COL6A3: variants seen among roughly 807,000 people sequenced by gnomAD.
COL6A3 encodes collagen type VI alpha 3 chain.
Under a neutral mutation model 274.1 loss-of-function variants are expected in COL6A3, and 137 were observed. The ratio of observed to expected loss-of-function variants is 0.50; its 90% confidence interval spans 0.44 to 0.58. The LOEUF is 0.58. Among genes scored for constraint, COL6A3 ranks in the 20% least tolerant of loss-of-function variants. COL6A3 has a pLI of 0.00. For synonymous variants in COL6A3, 1,650 were observed against 1,650.6 expected (o/e 1.00, Z 0.01); for missense variants, 3,950 against 4,124.9 (o/e 0.96, Z 1.16).
chr2:237,365,860 G>C lies in COL6A3; in HGVS notation c.5676C>G (p.Asn1892Lys). Residue 1892 changes from asparagine to lysine, a missense_variant, in exon 12 of 44, where the codon AAC becomes AAG. By Grantham distance (94) the Asn-to-Lys change is moderately conservative. Around this residue, in one of 5 missense-constraint regions of COL6A3, gnomAD observed 632 missense variants for 623.4 expected, o/e 1.01. Transcript: ENST00000295550. ...AGGCCTCCACCGGGCCCGAGGGCGTGTTGGCCACCACTGACACACGCACGG... is the reference window on the plus strand; with the variant it reads ...AGGCCTCCACCGGGCCCGAGGGCGTCTTGGCCACCACTGACACACGCACGG... ...SPTVRVSVVA[N>K]TPSGPVEAFD... 1 of 1,614,224 alleles carries C rather than the reference G, an allele frequency of 6.2e-7. No homozygotes were observed. The highest frequency in any genetic ancestry group is 8.5e-7 in the Non-Finnish European group (1 of 1,180,052).
intron 12 of COL6A3, 91 bp downstream of exon 12, chr2:237,365,607 A>C: frequency 9.0e-7 from 1 of 1,106,206 alleles, no homozygotes; most frequent in Admixed American, 1.7e-5. Flanking sequence ...TGAAACATGA[A>C]GAGGATTTAA....
intron 1 of COL6A3, among the ~76,000 whole-genome samples, chr2:237,409,067 A>C (rs915731494): frequency 3.9e-5 from 6 of 152,208 alleles, no homozygotes; most frequent in African/African-American, 1.4e-4. Context: ...TATTGGAAAC[A>C]TCAGACAATT....
chr2:237,364,520 C>A lies in COL6A3; in HGVS notation c.5839-92G>T. On this transcript the variant is annotated intron_variant, in intron 12 of 43. Transcript: ENST00000295550. This position sits in a 1 kb window ranked among gnomAD's most constrained non-coding sequence, Gnocchi z 4.6. ...AACTGAGAGACTCGCTGTCTCAAGC[C>A]CTTCATTTTACACTTAAGGAAACTG... 9.8e-7 allele frequency: 1 copy of A among 1,017,068 alleles called. No homozygotes were observed. The highest frequency in any genetic ancestry group is 1.3e-5 in the South Asian group (1 of 78,130). 63.0% of individuals were successfully genotyped at this position (1,017,068 alleles called of 1,614,324 possible). A position where few individuals can be genotyped will look rare whatever the true frequency, so the allele number is the denominator to read the frequency against.
rs1357963233 is a variant in COL6A3, at chr2:237,377,359, G to A, written c.2498-15C>T. On this transcript the variant is annotated splice_polypyrimidine_tract_variant and intron_variant, in intron 6 of 43. Coordinates refer to ENST00000295550, the MANE Select transcript of COL6A3 (RefSeq NM_004369.4). Reference sequence around the variant, plus strand: ...TCGCTTGCTCTCTGCAATGAAGGTAGATTAGGATACAATGAGGGACGAGAG... The same window carrying A: ...TCGCTTGCTCTCTGCAATGAAGGTAAATTAGGATACAATGAGGGACGAGAG... The A allele has an allele frequency of 6.3e-7, 1 of 1,599,154 alleles. No homozygotes were observed. Among genetic ancestry groups the A allele is most frequent in the East Asian group, 2.2e-5 (1 of 44,884 alleles).
chr2:237,377,441 A>T, intron 6 of COL6A3, 97 bp from the exon 7 acceptor site: 2 of 1,192,894 alleles, frequency 1.7e-6, no homozygotes, highest in Non-Finnish European at 2.4e-6. Context: ...GGAGTTGGTG[A>T]AACTCATCTG....
chr2:237,390,218 A>G (rs1167572057), intron 3 of COL6A3, among the ~76,000 whole-genome samples: 2 of 152,214 alleles, frequency 1.3e-5, no homozygotes, highest in African/African-American at 4.8e-5. Flanking sequence ...TCCATTTGTA[A>G]CTTACTTTTG....
chr2:237,363,444 A>C, intron 13 of COL6A3, 46 bp from the exon 14 acceptor site: 1 of 1,610,302 alleles, frequency 6.2e-7, no homozygotes, highest in Non-Finnish European at 8.5e-7. Flanking sequence ...GGCATGTGGA[A>C]AATGCAATGT....
At chr2:237,366,139 GCA>G (rs1365786890) in intron 11 of COL6A3, 104 bp from the exon 12 acceptor site, 1 of 927,788 alleles carries the variant, frequency 1.1e-6, no homozygotes, top group Non-Finnish European at 1.8e-6. Flanking sequence ...CCAGGGCATC[GCA>G]CTCAAGTGCA....
Position 237,359,380 on chromosome 2 carries a change from C to G in COL6A3, c.6291G>C (p.Arg2097=). Residue 2097 remains arginine (R), a synonymous_variant, in exon 18 of 44, where the codon CGG becomes CGC. Transcript: ENST00000295550. The part of the protein sequence containing the change: ...CPGQRGVKGS[R]GFPGEKGEVG... ...TGCATACCTTCTCTCCTGGGAATCC[C>G]CGAGAGCCCTAGAAGGCAAGGCGAT... The G allele has an allele frequency of 6.2e-7, 1 of 1,613,828 alleles. No homozygotes were observed. The highest frequency in any genetic ancestry group is 8.5e-7 in the Non-Finnish European group (1 of 1,179,950).
chr2:237,333,579 G>A (rs1574926161), intron 41 of COL6A3, 31 bp from the exon 42 acceptor site: 1 of 1,583,810 alleles, frequency 6.3e-7, no homozygotes, highest in Non-Finnish European at 8.7e-7. Context: ...CAACTCGTAG[G>A]TAAATCAGAA....
rs2077915593 is a variant in COL6A3, at chr2:237,378,671, C to T, written c.2462G>A (p.Ser821Asn). 2.5e-6 allele frequency: 4 copies of T among 1,613,300 alleles called. No homozygotes were observed. The highest frequency in any genetic ancestry group is 3.4e-6 in the Non-Finnish European group (4 of 1,180,050). ...QLIQPLTTYV[S>N]GGVEEVPLAQ... ...GAGTGGTACTTCCTCCACACCTCCA[C>T]TAACATATGTGGTTAGGGGCTGAAT... is the stretch of plus-strand genomic sequence containing the variant. The change falls in exon 6 of 44, where the codon AGT becomes AAT. Residue 821 changes from serine to asparagine, a missense_variant. Around this residue, in one of 5 missense-constraint regions of COL6A3, gnomAD observed 1,934 missense variants for 1,984.3 expected, o/e 0.97. Coordinates refer to ENST00000295550, the MANE Select transcript of COL6A3 (RefSeq NM_004369.4).
At chr2:237,328,908 CT>C (rs949055555) in intron 42 of COL6A3, 3 of 152,212 alleles carry the variant, frequency 2.0e-5, no homozygotes, top group Non-Finnish European at 2.9e-5. Context: ...CACCTTCTCA[CT>C]CGGCATTGTT....
At chr2:237,394,233 A>T (rs2078367271) in intron 3 of COL6A3, among the ~76,000 whole-genome samples, 1 of 152,208 alleles carries the variant, frequency 6.6e-6, no homozygotes, top group African/African-American at 2.4e-5. Flanking sequence ...AAGGAAACAG[A>T]TCCCAACACC....
intron 26 of COL6A3, among the ~76,000 whole-genome samples, 189 bp downstream of exon 26, chr2:237,352,331 ACT>A (rs991454665): frequency 3.0e-4 from 45 of 152,112 alleles, no homozygotes; most frequent in African/African-American, 1.1e-3. Context: ...AAAAAAGGAA[ACT>A]CTTACTTTCT....
intron 25 of COL6A3, 152 bp downstream of exon 25, chr2:237,353,189 G>T: frequency 1.3e-6 from 1 of 763,506 alleles, no homozygotes; most frequent in Non-Finnish European, 2.2e-6. Context: ...CCTAGATAGA[G>T]GTGATGATTG....
chr2:237,340,021 C>T (rs920921048), intron 38 of COL6A3, among the ~76,000 whole-genome samples: 5 of 152,142 alleles, frequency 3.3e-5, no homozygotes, highest in South Asian at 2.1e-4. Context: ...TATCCAAGCA[C>T]GGGGCTGGTG....
chr2:237,370,399 C>G (rs188612967), intron 9 of COL6A3, among the ~76,000 whole-genome samples: 1 of 151,900 alleles, frequency 6.6e-6, no homozygotes, highest in African/African-American at 2.4e-5. Flanking sequence ...CCACCACACC[C>G]AGCTAATTTT....
In COL6A3 at chr2:237,381,255, G is replaced by T. The variant is rs145586177; in HGVS notation, c.1557C>A (p.Asp519Glu). ...ITAVRKMKPLDGSALYTGSAL... is the reference protein window; with the variant it reads ...ITAVRKMKPLEGSALYTGSAL... ...CAGAGCCCGTGTACAGGGCCGAGCCGTCCAGGGGCTTCATTTTCCGCACAG... is the reference window on the plus strand; with the variant it reads ...CAGAGCCCGTGTACAGGGCCGAGCCTTCCAGGGGCTTCATTTTCCGCACAG... Residue 519 changes from aspartate to glutamate, a missense_variant, in exon 5 of 44, where the codon GAC (aspartate) becomes GAA (glutamate). Transcript: ENST00000295550. 6.2e-7 allele frequency: 1 copy of T among 1,614,246 alleles called. No individual in the cohort carries two copies. Among genetic ancestry groups the T allele is most frequent in the Non-Finnish European group, 8.5e-7 (1 of 1,180,048 alleles).
Position 237,336,266 on chromosome 2 carries a change from A to T in COL6A3, c.8834T>A (p.Val2945Glu), listed in dbSNP as rs2106314327. The T allele has an allele frequency of 1.9e-6, 3 of 1,614,050 alleles. No homozygotes were observed. The highest frequency in any genetic ancestry group is 1.7e-6 in the Non-Finnish European group (2 of 1,179,954). ...AVKPATAAKP[V>E]AAKPAAVRPP... The stretch of plus-strand genomic sequence containing the variant: ...TCTTACAGCTGCTGGCTTTGCTGCT[A>T]CAGGCTTCGCTGCCGTTGCTGGCTT... Residue 2945 changes from valine (V) to glutamate (E), a missense_variant, in exon 40 of 44, where the codon GTA becomes GAA. Val to Glu is a moderately radical substitution (Grantham distance 121, BLOSUM62 -2). This residue lies in a region of COL6A3 where 1,284 missense variants were observed against 1,349.7 expected (regional missense o/e 0.95). Transcript: ENST00000295550.
Sources: gnomAD v4.1 joint callset for allele counts (sites outside exome capture counted in the v4.1 genomes callset) on GRCh38, gnomAD v4.1.1 for gene constraint, gnomAD v4.1.1 regional missense constraint, Gnocchi (gnomAD v3.1) non-coding constraint, MANE v1.5 for transcripts, NCBI Gene and HGNC (gene_info 2026-07-23, HGNC 2026-07-21) for gene names.